XKR6: variants seen among roughly 807,000 people sequenced by gnomAD.
XKR6 encodes the protein XK-related protein 6.
XKR6 carries 22 observed loss-of-function variants against 56.7 expected under a neutral mutation model. That is an observed-to-expected ratio of 0.39 (90% CI 0.28 to 0.55). The LOEUF (loss-of-function observed/expected upper bound fraction) is 0.55, where lower values mean the gene tolerates loss of function less well. Among genes scored for constraint, XKR6 ranks in the 20% least tolerant of loss-of-function variants. The pLI, the probability that XKR6 is intolerant of heterozygous loss-of-function variation, is 0.66. For synonymous variants in XKR6, 524 were observed against 387.8 expected, an observed-to-expected ratio of 1.35 and a Z score of -4.13; for missense variants, 852 against 889.0, an observed-to-expected ratio of 0.96 and a Z score of 0.53.
At chr8:11,088,374 G>C (rs1345505312) in intron 1 of XKR6, among the ~76,000 whole-genome samples, 2 of 152,218 alleles carry the variant, frequency 1.3e-5, no homozygotes, top group African/African-American at 2.4e-5. Flanking sequence ...GACAATTTCA[G>C]ATCACGATGC....
At chr8:11,059,819 A>G (rs2129163182) in intron 1 of XKR6, among the ~76,000 whole-genome samples, 1 of 152,138 alleles carries the variant, frequency 6.6e-6, no homozygotes, top group Admixed American at 6.5e-5. Flanking sequence ...GGACAAGAGC[A>G]TTTCCAGGAT....
rs77584262 is a variant in XKR6 at position 10,976,278 on chromosome 8, T to C, written c.765-51448A>G. Among the ~76,000 whole-genome samples the C allele has an allele frequency of 5.7e-4, 87 of 152,202 alleles. 1 individual carries two copies. The East Asian group carries it at 0.016, about 28-fold the overall frequency. On this transcript the variant is annotated intron_variant, in intron 1 of 2. Coordinates refer to ENST00000416569, the MANE Select transcript of XKR6 (RefSeq NM_173683.4). ...TCTATTTGTTGAATGAGTGACTGAT[T>C]GTAAACAAGCCCACCCAAGACCCCA...
At chr8:11,084,408 G>C (rs755550561) in intron 1 of XKR6, among the ~76,000 whole-genome samples, 1 of 152,040 alleles carries the variant, frequency 6.6e-6, no homozygotes, top group Non-Finnish European at 1.5e-5. Context: ...CCAGAATTCA[G>C]ATATGATTTA....
At chr8:11,163,351 T>G (rs1030232883) in intron 1 of XKR6, among the ~76,000 whole-genome samples, 3 of 152,200 alleles carry the variant, frequency 2.0e-5, no homozygotes, top group African/African-American at 7.2e-5. Context: ...TTCTAACAAA[T>G]GATTACTGTT....
At chr8:11,086,560 GACA>G (rs1797899439) in intron 1 of XKR6, among the ~76,000 whole-genome samples, 1 of 152,182 alleles carries the variant, frequency 6.6e-6, no homozygotes, top group South Asian at 2.1e-4. Context: ...ACCCTAGACT[GACA>G]AGTGTAAAAT....
At chr8:11,139,116 T>C (rs1800550512) in intron 1 of XKR6, among the ~76,000 whole-genome samples, 1 of 152,182 alleles carries the variant, frequency 6.6e-6, no homozygotes, top group South Asian at 2.1e-4. Context: ...AAATGCAAAT[T>C]ACAAAGCTTT....
chr8:11,163,799 C>A (rs1363563707), intron 1 of XKR6, among the ~76,000 whole-genome samples: 2 of 152,068 alleles, frequency 1.3e-5, no homozygotes, highest in Non-Finnish European at 1.5e-5. Flanking sequence ...GGAACTGTGG[C>A]AAAGAGAGTA....
intron 1 of XKR6, among the ~76,000 whole-genome samples, chr8:11,032,425 A>C (rs1799014474): frequency 6.6e-6 from 1 of 152,216 alleles, no homozygotes; most frequent in Admixed American, 6.5e-5. Flanking sequence ...ACAAAGACAC[A>C]AATTGGCCCG....
At chr8:11,123,180 T>C (rs1466237114) in intron 1 of XKR6, among the ~76,000 whole-genome samples, 1 of 144,546 alleles carries the variant, frequency 6.9e-6, no homozygotes, top group Non-Finnish European at 1.5e-5. Flanking sequence ...GAGGTCGCAG[T>C]GAGCCGAGAT....
At chr8:10,944,046 G>A (rs1801463164) in intron 1 of XKR6, among the ~76,000 whole-genome samples, 1 of 152,022 alleles carries the variant, frequency 6.6e-6, no homozygotes, top group Admixed American at 6.5e-5. Context: ...CAGTCCCTTA[G>A]GAAGAGAGAA....
At chr8:11,003,147 G>T (rs1798284046) in intron 1 of XKR6, among the ~76,000 whole-genome samples, 1 of 147,824 alleles carries the variant, frequency 6.8e-6, no homozygotes, top group South Asian at 2.1e-4. Flanking sequence ...TGCCAAAGCA[G>T]GTGAGCCTTG....
intron 1 of XKR6, among the ~76,000 whole-genome samples, chr8:10,932,425 CTT>C (rs71203361): frequency 4.1e-5 from 6 of 145,634 alleles, no homozygotes; most frequent in African/African-American, 1.0e-4. Flanking sequence ...TTTTCTTTTT[CTT>C]TTTTTTTTTT....
At chr8:10,920,390 G>A (rs532167767) in intron 2 of XKR6, among the ~76,000 whole-genome samples, 179 of 152,182 alleles carry the variant, frequency 1.2e-3, no homozygotes, top group African/African-American at 4.0e-3. Flanking sequence ...TTTTAGAAAT[G>A]AGAAAAATGA....
chr8:11,007,488 G>T (rs946248260), intron 1 of XKR6, among the ~76,000 whole-genome samples: 14 of 152,036 alleles, frequency 9.2e-5, no homozygotes, highest in African/African-American at 3.4e-4. Context: ...GCGGCCTCTC[G>T]CATGGACGAA....
chr8:10,898,629 G>C lies in XKR6; in HGVS notation c.1249C>G (p.Leu417Val). Residue 417 changes from leucine to valine, a missense_variant, in exon 3 of 3, where the codon CTC (leucine) becomes GTC (valine). Leu to Val is a conservative substitution (Grantham distance 32). Transcript: ENST00000416569. The surrounding 1 kb of genome is among the most constrained non-coding windows in gnomAD (Gnocchi z 6.6). ...DFCMSKWEEI[L>V]FNMVVGIVYI... ...ACGATCCCTACCACCATGTTGAAGAGGATCTCCTCCCACTTGGACATGCAG... is the reference window on the plus strand; with the variant it reads ...ACGATCCCTACCACCATGTTGAAGACGATCTCCTCCCACTTGGACATGCAG... 6.2e-7 allele frequency: 1 copy of C among 1,614,146 alleles called. No homozygotes were observed. Among genetic ancestry groups the C allele is most frequent in the South Asian group, 1.1e-5 (1 of 91,072 alleles).
At position 10,922,751 on chromosome 8, in the gene XKR6, T is replaced by C. The variant is rs371000326; in HGVS notation, c.961+1883A>G. ...TCCTGAAGATGGAGCATCACCAAGGTTTCCCTGTGTTCCCAAGCTCTTCTC... is the reference window on the plus strand; with the variant it reads ...TCCTGAAGATGGAGCATCACCAAGGCTTCCCTGTGTTCCCAAGCTCTTCTC... On this transcript the variant is annotated intron_variant, in intron 2 of 2. Transcript: ENST00000416569. 5.3e-5 allele frequency among the ~76,000 whole-genome samples: 8 copies of C among 152,038 alleles called. No individual in the cohort carries two copies. In the South Asian group the frequency reaches 8.3e-4, roughly 16 times the overall value.
chr8:10,947,372 C>A (rs1801584685), intron 1 of XKR6, among the ~76,000 whole-genome samples: 1 of 152,062 alleles, frequency 6.6e-6, no homozygotes, highest in Non-Finnish European at 1.5e-5. Context: ...CTATGAAGCA[C>A]AAGATGACAA....
intron 1 of XKR6, chr8:11,175,654 C>T (rs1308423766): frequency 2.0e-5 from 3 of 152,210 alleles, no homozygotes; most frequent in Non-Finnish European, 4.4e-5. Context: ...GGTCTCTCTG[C>T]TGTAAATCCT....
At chr8:11,148,425 T>G (rs903956067) in intron 1 of XKR6, among the ~76,000 whole-genome samples, 1 of 152,198 alleles carries the variant, frequency 6.6e-6, no homozygotes, top group Non-Finnish European at 1.5e-5. Context: ...CCAATGCTCC[T>G]GGCACCTTGA....
Sources: allele counts gnomAD v4.1 joint callset (sites outside exome capture counted in the v4.1 genomes callset), GRCh38; gene constraint gnomAD v4.1.1; non-coding constraint Gnocchi (gnomAD v3.1); transcripts MANE v1.5; gene names NCBI Gene and HGNC (gene_info 2026-07-23, HGNC 2026-07-21).